CDC73: variants seen among roughly 807,000 people sequenced by gnomAD.
CDC73 encodes the protein parafibromin.
CDC73 carries 21 observed loss-of-function variants against 83.7 expected under a neutral mutation model. That is an observed-to-expected ratio of 0.25 (90% CI 0.18 to 0.36). CDC73 has a LOEUF of 0.36. Among genes scored for constraint, CDC73 ranks in the 10% least tolerant of loss-of-function variants. The pLI is 1.00. For synonymous variants in CDC73, 224 were observed against 212.9 expected, an observed-to-expected ratio of 1.05 and a Z score of -0.45; for missense variants, 342 against 653.3, an observed-to-expected ratio of 0.52 and a Z score of 5.19.
intron 13 of CDC73, among the ~76,000 whole-genome samples, chr1:193,226,308 A>G (rs1677566413): frequency 6.6e-6 from 1 of 152,148 alleles, no homozygotes; most frequent in African/African-American, 2.4e-5. Flanking sequence ...TGCCTATTTT[A>G]TACCAGTGCC....
intron 9 of CDC73, 38 bp from the exon 10 acceptor site, chr1:193,152,342 C>T (rs1157691968): frequency 7.6e-7 from 1 of 1,321,566 alleles, no homozygotes; most frequent in Non-Finnish European, 1.1e-6. Flanking sequence ...GATACATGAT[C>T]TATAAAATCT....
At chr1:193,226,943 T>A (rs936263464) in intron 13 of CDC73, among the ~76,000 whole-genome samples, 1 of 152,206 alleles carries the variant, frequency 6.6e-6, no homozygotes, top group Non-Finnish European at 1.5e-5. Context: ...ATCCTTCTGG[T>A]TCTGAACTTT....
chr1:193,135,868 CTTTT>C (rs1038256301), intron 5 of CDC73, among the ~76,000 whole-genome samples: 4 of 127,162 alleles, frequency 3.1e-5, no homozygotes, highest in Non-Finnish European at 3.4e-5. Flanking sequence ...CCTTTCTGTT[CTTTT>C]TTTTTTTTTT....
At chr1:193,140,721 C>T (rs1228472963) in intron 6 of CDC73, among the ~76,000 whole-genome samples, 2 of 152,134 alleles carry the variant, frequency 1.3e-5, no homozygotes, top group African/African-American at 4.8e-5. Flanking sequence ...AGGCAGGTGT[C>T]CCAGGCAGGA....
At chr1:193,127,179 T>G (rs912157760) in intron 2 of CDC73, among the ~76,000 whole-genome samples, 33 of 151,094 alleles carry the variant, frequency 2.2e-4, no homozygotes, top group Non-Finnish European at 3.7e-4. Flanking sequence ...GGGGCTGAGG[T>G]GGGAGGATCA....
In CDC73 at chr1:193,142,037, C is replaced by T. The variant is rs1675915231; in HGVS notation, c.700C>T (p.Arg234Ter). The T allele has an allele frequency of 6.2e-7, 1 of 1,613,212 alleles. No individual in the cohort carries two copies. The highest frequency in any genetic ancestry group is 8.5e-7 in the Non-Finnish European group (1 of 1,179,498). The change falls in exon 7 of 17, where the codon CGA becomes TGA. Residue 234 changes from arginine (R) to a stop codon, truncating the protein, a stop_gained. Coordinates refer to ENST00000367435, the MANE Select transcript of CDC73 (RefSeq NM_024529.5). LOFTEE classifies it high-confidence loss of function. ...IVSRERVWRT[R>*]TTILQSTGKN... ...CAGCAGAGAGAGAGTATGGAGGACA[C>T]GAACAACTATCTTACAAAGCACAGG... is the stretch of plus-strand genomic sequence containing the variant.
rs946037093 is a variant in CDC73 at position 193,252,558 on chromosome 1, C to T, written c.*1846C>T. 1 of 230,512 alleles carries T rather than the reference C, an allele frequency of 4.3e-6. No homozygotes were observed. The highest frequency in any genetic ancestry group is 2.2e-5 in the African/African-American group (1 of 45,162). The allele number at this position is 230,512 out of a possible 1,614,324, so 14.3% of individuals were successfully genotyped here. The stretch of plus-strand genomic sequence containing the variant: ...GTTTATTTTTCTATTTTGAATTTGC[C>T]TTATGTATATTCAAAGGCTTATGGA... On this transcript the variant is annotated 3_prime_UTR_variant, in exon 17 of 17. Transcript: ENST00000367435.
At chr1:193,146,339 G>A (rs528770564) in intron 7 of CDC73, among the ~76,000 whole-genome samples, 1 of 152,314 alleles carries the variant, frequency 6.6e-6, no homozygotes, top group African/African-American at 2.4e-5. Context: ...ATCTTTGTCT[G>A]TTTTGTGCTG....
intron 3 of CDC73, among the ~76,000 whole-genome samples, chr1:193,131,927 T>A (rs941668988): frequency 1.5e-4 from 23 of 152,196 alleles, no homozygotes; most frequent in African/African-American, 4.8e-4. Flanking sequence ...GACCTGAAAT[T>A]ATATATCTGT....
At chr1:193,247,051 C>G (rs1024278856) in intron 15 of CDC73, among the ~76,000 whole-genome samples, 1 of 152,054 alleles carries the variant, frequency 6.6e-6, no homozygotes, top group Non-Finnish European at 1.5e-5. Flanking sequence ...TGAATTTGTG[C>G]GTGTAAGGTA....
Position 193,141,974 on chromosome 1 carries a change from T to G in CDC73, c.637T>G (p.Phe213Val). 6.2e-7 allele frequency: 1 copy of G among 1,613,772 alleles called. No individual in the cohort carries two copies. The highest frequency in any genetic ancestry group is 8.5e-7 in the Non-Finnish European group (1 of 1,179,844). The change falls in exon 7 of 17, where the codon TTT (phenylalanine) becomes GTT (valine). Residue 213 changes from phenylalanine (F) to valine (V), a missense_variant. Around this residue, in one of 3 missense-constraint regions of CDC73, gnomAD observed 239 missense variants for 420.6 expected, o/e 0.57. Transcript: ENST00000367435. ...CATAACTGCCCTTAAACAGAGGAGT[T>G]TTGTGGATGCTGAGGTAGATGTGAC... ...DDITALKQRS[F>V]VDAEVDVTRD...
chr1:193,215,000 A>G (rs1007113133), intron 13 of CDC73, among the ~76,000 whole-genome samples: 1 of 152,242 alleles, frequency 6.6e-6, no homozygotes, highest in Non-Finnish European at 1.5e-5. Context: ...AGGAGCTCAC[A>G]TGAGAGTGGT....
intron 14 of CDC73, 146 bp downstream of exon 14, chr1:193,233,300 G>A (rs908219402): frequency 2.8e-5 from 21 of 737,588 alleles, no homozygotes; most frequent in Non-Finnish European, 5.1e-5. Context: ...GGCTCTGTCA[G>A]TCCTCCTGCC....
At chr1:193,122,419 C>T (rs989615569) in intron 1 of CDC73, 88 bp downstream of exon 1, 2 of 1,538,394 alleles carry the variant, frequency 1.3e-6, no homozygotes, top group Non-Finnish European at 1.8e-6. Context: ...CCCCCCGTTT[C>T]CCCTGGGGAT....
chr1:193,181,603 C>T (rs762865701), intron 10 of CDC73: 19 of 1,503,732 alleles, frequency 1.3e-5, no homozygotes, highest in Non-Finnish European at 1.7e-5. Context: ...GATTGGTGAC[C>T]AAAAATGTTT....
chr1:193,197,395 C>T (rs1677019166), intron 10 of CDC73, among the ~76,000 whole-genome samples: 2 of 152,140 alleles, frequency 1.3e-5, no homozygotes, highest in Non-Finnish European at 2.9e-5. Context: ...AATTGTTTAA[C>T]AGTTATTAGT....
chr1:193,149,493 A>T (rs531563307), intron 8 of CDC73, among the ~76,000 whole-genome samples: 1 of 152,332 alleles, frequency 6.6e-6, no homozygotes, highest in East Asian at 1.9e-4. Flanking sequence ...TCAAACCTTA[A>T]AACAGTTTTA....
chr1:193,154,026 G>C (rs1328902795), intron 10 of CDC73, among the ~76,000 whole-genome samples: 1 of 152,150 alleles, frequency 6.6e-6, no homozygotes, highest in Non-Finnish European at 1.5e-5. Context: ...CATCTTATGC[G>C]ATCTGCCTGG....
At position 193,233,003 on chromosome 1, in the gene CDC73, T is replaced by G; in HGVS notation, c.1165T>G (p.Ser389Ala). The G allele has an allele frequency of 6.2e-7, 1 of 1,613,606 alleles. No homozygotes were observed. Among genetic ancestry groups the G allele is most frequent in the African/African-American group, 1.3e-5 (1 of 75,018 alleles). Residue 389 changes from serine (S) to alanine (A), a missense_variant, in exon 14 of 17, where the codon TCA becomes GCA. Around this residue, in one of 3 missense-constraint regions of CDC73, gnomAD observed 239 missense variants for 420.6 expected, o/e 0.57. Transcript: ENST00000367435. ...TCTGTTTTTTCAAAGATTTGTCCCA[T>G]CAGATGAAAAGAAGAAACAAGGTTG... is the stretch of plus-strand genomic sequence containing the variant. ...DLLQDLKFVP[S>A]DEKKKQGCQR...
Sources: gnomAD v4.1 joint callset for allele counts (sites outside exome capture counted in the v4.1 genomes callset) on GRCh38, gnomAD v4.1.1 for gene constraint, gnomAD v4.1.1 regional missense constraint, MANE v1.5 for transcripts, NCBI Gene and HGNC (gene_info 2026-07-23, HGNC 2026-07-21) for gene names.